The following MAP2K1 variants were observed in gnomAD, a reference collection of about 807,000 sequenced individuals.
MAP2K1 encodes dual specificity mitogen-activated protein kinase kinase 1.
MAP2K1 carries 16 observed loss-of-function variants against 46.3 expected under a neutral mutation model. The observed-to-expected ratio is 0.35, with a 90% CI of 0.23 to 0.52. The LOEUF (loss-of-function observed/expected upper bound fraction) is 0.52. Ranked by LOEUF, MAP2K1 falls within the 20% of genes least tolerant of loss-of-function variation. The pLI is 0.94. For missense variants in MAP2K1, 263 were observed against 497.1 expected, an observed-to-expected ratio of 0.53 and a Z score of 4.48; for synonymous variants, 183 against 185.6, an observed-to-expected ratio of 0.99 and a Z score of 0.11.
At chr15:66,437,871 C>G (rs772975081) in intron 3 of MAP2K1, among the ~76,000 whole-genome samples, 1 of 152,092 alleles carries the variant, frequency 6.6e-6, no homozygotes, top group Non-Finnish European at 1.5e-5. Context: ...TTCCTTCTTT[C>G]CTCAATGAGA....
intron 1 of MAP2K1, among the ~76,000 whole-genome samples, chr15:66,420,471 T>C (rs1290026579): frequency 6.6e-6 from 1 of 151,456 alleles, no homozygotes; most frequent in African/African-American, 2.4e-5. Context: ...GAGGATCACC[T>C]GAGCCTGGGA....
In MAP2K1 at chr15:66,490,903, A is replaced by T; in HGVS notation, c.*288A>T. On this transcript the variant is annotated 3_prime_UTR_variant, in exon 11 of 11. Coordinates refer to ENST00000307102, the MANE Select transcript of MAP2K1 (RefSeq NM_002755.4). ...GCTGAATTACAGTGAAATTTTGGTG[A>T]ATGTGGGTAGTCATTCTTACAATTG... The T allele has an allele frequency of 2.0e-6, 1 of 502,734 alleles. No individual in the cohort carries two copies. Among genetic ancestry groups the T allele is most frequent in the Non-Finnish European group, 3.7e-6 (1 of 273,676 alleles). The allele number at this position is 502,734 out of a possible 1,614,324, so 31.1% of individuals were successfully genotyped here. A position where few individuals can be genotyped will look rare whatever the true frequency, so the allele number is the denominator to read the frequency against.
chr15:66,468,911 T>C (rs529712711), intron 5 of MAP2K1, among the ~76,000 whole-genome samples: 2 of 123,674 alleles, frequency 1.6e-5, no homozygotes, highest in Non-Finnish European at 1.8e-5. Flanking sequence ...GCTGAGTCTG[T>C]GCCACTGCAC....
chr15:66,430,380 C>G (rs1455952244), intron 1 of MAP2K1, among the ~76,000 whole-genome samples: 1 of 152,224 alleles, frequency 6.6e-6, no homozygotes, highest in East Asian at 1.9e-4. Context: ...GCAGTGTACC[C>G]TCCTGGCAGA....
intron 1 of MAP2K1, among the ~76,000 whole-genome samples, chr15:66,392,440 A>G (rs1156327595): frequency 6.6e-6 from 1 of 150,828 alleles, no homozygotes; most frequent in Non-Finnish European, 1.5e-5. Context: ...CATCTTCCCA[A>G]AGTGCTGAAA....
At position 66,453,174 on chromosome 15, in the gene MAP2K1, C is replaced by G. The variant is rs117526239; in HGVS notation, c.568+8467C>G. Among the ~76,000 whole-genome samples, 892 of 152,300 alleles carry G rather than the reference C, an allele frequency of 5.9e-3. 4 individuals carry two copies. Among genetic ancestry groups the G allele is most frequent in the Non-Finnish European group, 0.01 (686 of 68,034 alleles). ...GCAATGAAGACCTCTAACTTTATTTCCATTCCAAGGAGAGGGAGGTTTCAG... is the reference window on the plus strand; with the variant it reads ...GCAATGAAGACCTCTAACTTTATTTGCATTCCAAGGAGAGGGAGGTTTCAG... On this transcript the variant is annotated intron_variant, in intron 5 of 10. Coordinates refer to ENST00000307102, the MANE Select transcript of MAP2K1 (RefSeq NM_002755.4).
chr15:66,487,209 CT>C lies in MAP2K1; in HGVS notation c.896-14del, dbSNP rs1893062748. 1 of 1,610,936 alleles carries C rather than the reference CT, an allele frequency of 6.2e-7. No homozygotes were observed. The highest frequency in any genetic ancestry group is 1.3e-5 in the African/African-American group (1 of 74,850). On this transcript the variant is annotated intron_variant, in intron 7 of 10. Transcript: ENST00000307102. ...AATCTGTTTCTGAGAAGTATTTTTT[CT>C]TTTTATAAAATTTGTAGCATACGGA...
Position 66,390,566 on chromosome 15 carries a change from A to G in MAP2K1, c.80+3139A>G, listed in dbSNP as rs937240937. 3.9e-5 allele frequency among the ~76,000 whole-genome samples: 6 copies of G among 152,190 alleles called. 1 individual carries two copies. Among genetic ancestry groups the G allele is most frequent in the Non-Finnish European group, 5.9e-5 (4 of 68,034 alleles). On this transcript the variant is annotated intron_variant, in intron 1 of 10. Coordinates refer to ENST00000307102, the MANE Select transcript of MAP2K1 (RefSeq NM_002755.4). ...TAATACGGGACCTGAAGTTGATGCAAGTTGTAGGGGTCCTCAAAGAAAAAT... is the reference window on the plus strand; with the variant it reads ...TAATACGGGACCTGAAGTTGATGCAGGTTGTAGGGGTCCTCAAAGAAAAAT...
intron 6 of MAP2K1, among the ~76,000 whole-genome samples, chr15:66,482,466 A>AC: frequency 6.6e-6 from 1 of 152,096 alleles, no homozygotes; most frequent in East Asian, 1.9e-4. Context: ...GCATACCTGG[A>AC]CCCCTCGCCA....
chr15:66,478,333 T>C (rs1005565049), intron 5 of MAP2K1, among the ~76,000 whole-genome samples: 2 of 144,158 alleles, frequency 1.4e-5, no homozygotes, highest in African/African-American at 2.6e-5. Context: ...ATGTTATATA[T>C]ACACACATAT....
intron 10 of MAP2K1, chr15:66,490,051 C>T (rs1893194482): frequency 1.8e-6 from 1 of 561,556 alleles, no homozygotes; most frequent in Admixed American, 3.1e-5. Context: ...GCGGCCTTTC[C>T]CTAATACTGA....
intron 5 of MAP2K1, among the ~76,000 whole-genome samples, chr15:66,470,464 C>T (rs1204400130): frequency 6.6e-6 from 1 of 152,172 alleles, no homozygotes; most frequent in Non-Finnish European, 1.5e-5. Context: ...GCTCAAAACT[C>T]CGTAAAGGAG....
intron 8 of MAP2K1, among the ~76,000 whole-genome samples, chr15:66,488,061 G>GCCACCTC (rs999913290): frequency 1.7e-4 from 26 of 151,748 alleles, no homozygotes; most frequent in Admixed American, 5.2e-4. Context: ...TTTCTTCCTT[G>GCCACCTC]CCACCTCCCA....
At chr15:66,425,078 G>A (rs1047127183) in intron 1 of MAP2K1, among the ~76,000 whole-genome samples, 6 of 152,084 alleles carry the variant, frequency 3.9e-5, no homozygotes, top group African/African-American at 1.2e-4. Flanking sequence ...TTACAGGCAT[G>A]AGCCACTGTG....
intron 1 of MAP2K1, among the ~76,000 whole-genome samples, chr15:66,418,626 C>T (rs1242137268): frequency 6.6e-6 from 1 of 152,164 alleles, no homozygotes; most frequent in African/African-American, 2.4e-5. Context: ...GTGGTCACCA[C>T]CAGACCCAGG....
In MAP2K1 at chr15:66,448,081, A is replaced by T. The variant is rs574632632; in HGVS notation, c.568+3374A>T. ...GGCATGAGAATCACTTGAACCTGGG[A>T]GACGGAGGTTGCAGTGAGCTGAGAT... On this transcript the variant is annotated intron_variant, in intron 5 of 10. Coordinates refer to ENST00000307102, the MANE Select transcript of MAP2K1 (RefSeq NM_002755.4). Among the ~76,000 whole-genome samples the T allele has an allele frequency of 2.0e-5, 3 of 148,096 alleles. No individual in the cohort carries two copies. The South Asian group carries it at 6.6e-4, about 33-fold the overall frequency.
intron 1 of MAP2K1, among the ~76,000 whole-genome samples, chr15:66,416,602 A>G (rs17259670): frequency 0.056 from 8,587 of 152,250 alleles, 352 homozygotes; most frequent in Middle Eastern, 0.11. Flanking sequence ...GATTCTCATC[A>G]TCAGTTCTGC....
At chr15:66,438,113 G>T in intron 3 of MAP2K1, among the ~76,000 whole-genome samples, 1 of 147,784 alleles carries the variant, frequency 6.8e-6, no homozygotes, top group African/African-American at 2.5e-5. Flanking sequence ...TTTAGACAGA[G>T]TCTCGCCCTG....
Position 66,395,597 on chromosome 15 carries a change from C to T in MAP2K1, c.80+8170C>T, listed in dbSNP as rs1595836692. ...GATTTTTTTTTTTTTTTTTTTGAGA[C>T]GGAGTCTCACTCTGTCACCCAGGCT... is the stretch of plus-strand genomic sequence containing the variant. On this transcript the variant is annotated intron_variant, in intron 1 of 10. Transcript: ENST00000307102. Among the ~76,000 whole-genome samples, 3 of 111,598 alleles carry T rather than the reference C, an allele frequency of 2.7e-5. No individual in the cohort carries two copies. The Admixed American group carries it at 3.3e-4, about 12-fold the overall frequency. 73.2% of individuals were successfully genotyped at this position (111,598 alleles called of 152,430 possible). A position where few individuals can be genotyped will look rare whatever the true frequency, so the allele number is the denominator to read the frequency against.
Sources: gnomAD v4.1 joint callset for allele counts (sites outside exome capture counted in the v4.1 genomes callset) on GRCh38, gnomAD v4.1.1 for gene constraint, MANE v1.5 for transcripts, NCBI Gene and HGNC (gene_info 2026-07-23, HGNC 2026-07-21) for gene names.